CFAP92: variants seen among roughly 807,000 people sequenced by gnomAD.
CFAP92 encodes the protein cilia and flagella associated protein 92 (putative).
In CFAP92, 86 loss-of-function variants were observed where a neutral mutation model predicts 106.3. The ratio of observed to expected loss-of-function variants is 0.81; its 90% CI spans 0.68 to 0.97. The LOEUF is 0.97. Ranked by LOEUF, CFAP92 falls within the 50% of genes least tolerant of loss-of-function variation. The pLI is 0.00. For missense variants in CFAP92, 1,204 were observed against 1,283.8 expected (o/e 0.94, Z 0.95); for synonymous variants, 477 against 506.4 (o/e 0.94, Z 0.78).
In CFAP92 at chr3:129,002,629, T is replaced by C. The variant is rs1286736932; in HGVS notation, n.62A>G. 6 of 435,844 alleles carry C rather than the reference T, an allele frequency of 1.4e-5. No homozygotes were observed. The Admixed American group carries it at 2.2e-4, about 16-fold the overall frequency. 27.0% of individuals were successfully genotyped at this position (435,844 alleles called of 1,614,324 possible). On this transcript the variant is annotated non_coding_transcript_exon_variant, in exon 1 of 5. Transcript: ENST00000510149. ...GCGTCTTGCCCCTTTAACCTAGGAA[T>C]TGCACCTGTCTGGGTAGTCTCACAT...
intron 12 of CFAP92, among the ~76,000 whole-genome samples, chr3:128,920,240 C>G (rs1576385012): frequency 6.6e-6 from 1 of 152,070 alleles, no homozygotes; most frequent in East Asian, 1.9e-4. Flanking sequence ...CCTGTTTCTA[C>G]TAATATACAA....
At chr3:128,999,880 G>A (rs1401360071) in intron 1 of CFAP92, among the ~76,000 whole-genome samples, 5 of 152,162 alleles carry the variant, frequency 3.3e-5, no homozygotes, top group African/African-American at 9.7e-5. Flanking sequence ...TAACAAAAGG[G>A]AAATACTGCA....
At chr3:128,972,961 T>G (rs980029492) in intron 7 of CFAP92, among the ~76,000 whole-genome samples, 2 of 152,068 alleles carry the variant, frequency 1.3e-5, no homozygotes, top group Non-Finnish European at 2.9e-5. Flanking sequence ...GCAAGTAGCT[T>G]GGACTACAGG....
In CFAP92 at chr3:128,945,369, C is replaced by G. The variant is rs764296540; in HGVS notation, c.1960G>C (p.Gly654Arg). 9.1e-6 allele frequency: 14 copies of G among 1,536,038 alleles called. No individual in the cohort carries two copies. The highest frequency in any genetic ancestry group is 3.3e-4 in the Middle Eastern group (2 of 6,012). The change falls in exon 10 of 16, where the codon GGG (glycine) becomes CGG (arginine). Residue 654 changes from glycine (G) to arginine (R), a missense_variant. Transcript: ENST00000645291. ...AGARAADPDL[G>R]GSQFGRIIFV... is the part of the protein sequence containing the mutation. ...ATGATGCGGCCAAACTGGGAGCCCC[C>G]AAGGTCAGGATCAGCAGCTCTGGCC...
chr3:128,919,994 C>T (rs1937137144), intron 12 of CFAP92, among the ~76,000 whole-genome samples: 2 of 152,108 alleles, frequency 1.3e-5, no homozygotes, highest in Admixed American at 1.3e-4. Flanking sequence ...ACCCTCTTTA[C>T]CATTTAACAA....
chr3:128,910,915 C>T, intron 15 of CFAP92: 1 of 1,380,340 alleles, frequency 7.2e-7, no homozygotes, highest in Non-Finnish European at 1.0e-6. Context: ...AGCCTGCTAG[C>T]TACTCACAGA....
At chr3:129,026,742 T>G in the CFAP92 span, among the ~76,000 whole-genome samples, 3 of 152,142 alleles carry the variant, frequency 2.0e-5, no homozygotes, top group African/African-American at 7.2e-5. Context: ...AGTAGGGAGA[T>G]ACTGGCACCT....
rs1437025485 is a variant in CFAP92, at chr3:128,910,244, G to T, written c.*55C>A. ...ATTGTTGAGGAGGGTGTGGTCGGGT[G>T]TGGGGGAGGCTGTGCAGGTTCACCA... is the stretch of plus-strand genomic sequence containing the variant. On this transcript the variant is annotated 3_prime_UTR_variant, in exon 16 of 16. Transcript: ENST00000645291. 35 of 1,582,284 alleles carry T rather than the reference G, an allele frequency of 2.2e-5. No individual in the cohort carries two copies. The highest frequency in any genetic ancestry group is 3.0e-5 in the Non-Finnish European group (35 of 1,167,012).
chr3:128,972,384 G>A (rs1320162824), intron 7 of CFAP92, among the ~76,000 whole-genome samples: 1 of 151,850 alleles, frequency 6.6e-6, no homozygotes, highest in Non-Finnish European at 1.5e-5. Flanking sequence ...TGGGACCACA[G>A]GCGCGTGCTA....
chr3:128,916,640 A>G (rs751227344), intron 12 of CFAP92, among the ~76,000 whole-genome samples: 58 of 152,242 alleles, frequency 3.8e-4, no homozygotes, highest in Non-Finnish European at 7.6e-4. Context: ...AAGGACTGCC[A>G]TCCTTGACCA....
At chr3:128,982,001 T>C (rs2107802251) in intron 4 of CFAP92, among the ~76,000 whole-genome samples, 1 of 152,356 alleles carries the variant, frequency 6.6e-6, no homozygotes, top group Non-Finnish European at 1.5e-5. Flanking sequence ...CTTAATAGGC[T>C]CTAGGGTTCT....
chr3:128,953,352 A>G (rs1332431592), intron 9 of CFAP92, among the ~76,000 whole-genome samples: 3 of 151,992 alleles, frequency 2.0e-5, no homozygotes, highest in Non-Finnish European at 4.4e-5. Flanking sequence ...AGTCTCTACT[A>G]AAAATACAAA....
At chr3:128,935,388 C>G in intron 10 of CFAP92, 69 bp from the exon 11 acceptor site, 4 of 1,063,846 alleles carry the variant, frequency 3.8e-6, no homozygotes, top group East Asian at 5.3e-5. Context: ...TGAGGGTGCG[C>G]TGTCAGGTAC....
At chr3:129,021,905 G>C in the CFAP92 span, among the ~76,000 whole-genome samples, 1 of 152,050 alleles carries the variant, frequency 6.6e-6, no homozygotes, top group East Asian at 1.9e-4. Flanking sequence ...AAGTACATCT[G>C]AAAATAGGGC....
Position 128,973,610 on chromosome 3 carries a change from C to T in CFAP92, c.1021+2169G>A, listed in dbSNP as rs185048787. On this transcript the variant is annotated intron_variant, in intron 7 of 15. Coordinates refer to ENST00000645291, the MANE Select transcript of CFAP92 (RefSeq NM_001394090.1). Reference sequence around the variant, plus strand: ...GATGGAGGTTGTGGTGAGCCGAGATCGCGCCATTGTACTCCAGCCTAGGCA... The same window carrying T: ...GATGGAGGTTGTGGTGAGCCGAGATTGCGCCATTGTACTCCAGCCTAGGCA... Among the ~76,000 whole-genome samples, 7 of 150,988 alleles carry T rather than the reference C, an allele frequency of 4.6e-5. No individual in the cohort carries two copies. In the East Asian group the frequency reaches 1.4e-3, roughly 29 times the overall value.
intron 11 of CFAP92, among the ~76,000 whole-genome samples, chr3:128,934,504 C>CCA (rs912264075): frequency 7.2e-5 from 11 of 152,110 alleles, no homozygotes; most frequent in African/African-American, 2.7e-4. Context: ...CAGGCATGAG[C>CCA]CACCGCATCC....
chr3:128,957,591 CAGAA>C (rs1427913170), intron 9 of CFAP92, among the ~76,000 whole-genome samples: 3 of 151,994 alleles, frequency 2.0e-5, no homozygotes, highest in Non-Finnish European at 2.9e-5. Context: ...AACAAAAAAA[CAGAA>C]GGAACAGACA....
chr3:129,006,843 G>A (rs895174110), upstream of CFAP92, among the ~76,000 whole-genome samples: 2 of 152,156 alleles, frequency 1.3e-5, no homozygotes, highest in Non-Finnish European at 2.9e-5. Context: ...ATTTTCTGTG[G>A]TCAAAGTTTG....
At chr3:128,989,339 T>C (rs1944068559) in intron 2 of CFAP92, among the ~76,000 whole-genome samples, 1 of 116,368 alleles carries the variant, frequency 8.6e-6, no homozygotes, top group African/African-American at 3.2e-5. Context: ...TGTGCAATAA[T>C]AGCAGCAGGA....
Sources: allele counts gnomAD v4.1 joint callset (sites outside exome capture counted in the v4.1 genomes callset), GRCh38; gene constraint gnomAD v4.1.1; transcripts MANE v1.5; gene names NCBI Gene and HGNC (gene_info 2026-07-23, HGNC 2026-07-21).